TGM5: variants seen among roughly 807,000 people sequenced by gnomAD.
TGM5 encodes the protein protein-glutamine gamma-glutamyltransferase 5.
Under a neutral mutation model 77.2 loss-of-function variants are expected in TGM5, and 69 were observed. The ratio of observed to expected loss-of-function variants is 0.89; its 90% confidence interval spans 0.74 to 1.09. The LOEUF is 1.09. Ranked by LOEUF, TGM5 falls within the 50% of genes least tolerant of loss-of-function variation. TGM5 has a pLI of 0.00. For missense variants in TGM5, 842 were observed against 896.5 expected, an observed-to-expected ratio of 0.94 and a Z score of 0.78; for synonymous variants, 346 against 351.8, an observed-to-expected ratio of 0.98 and a Z score of 0.18.
chr15:43,240,975 C>G lies in TGM5; in HGVS notation c.878G>C (p.Gly293Ala), dbSNP rs1422037303. ...GTTGGTGATCACACGGGTAGGGATC[C>G]CCAGACACCTCATCACTGCAAAAAG... ...AVMCTVMRCL[G>A]IPTRVITNFD... is the part of the protein sequence containing the mutation. The change falls in exon 7 of 13, where the codon GGG (glycine) becomes GCG (alanine). Residue 293 changes from glycine (G) to alanine (A), a missense_variant. This residue lies in a region of TGM5 where 815 missense variants were observed against 844.6 expected (regional missense o/e 0.96). Transcript: ENST00000220420. The G allele has an allele frequency of 1.9e-6, 3 of 1,614,122 alleles. No homozygotes were observed. The highest frequency in any genetic ancestry group is 3.3e-5 in the Admixed American group (2 of 60,014).
intron 5 of TGM5, 31 bp from the exon 6 acceptor site, chr15:43,252,967 A>G (rs1465873119): frequency 2.5e-6 from 4 of 1,608,902 alleles, no homozygotes; most frequent in African/African-American, 1.3e-5. Flanking sequence ...GAAGTGTTAG[A>G]AACATCCATT....
At chr15:43,266,505 G>A (rs943087497) in intron 1 of TGM5, among the ~76,000 whole-genome samples, 1 of 152,098 alleles carries the variant, frequency 6.6e-6, no homozygotes, top group Non-Finnish European at 1.5e-5. Flanking sequence ...AACTAGAGGC[G>A]AAGTGACTTG....
chr15:43,242,143 CAAA>C (rs2042641434), intron 6 of TGM5, among the ~76,000 whole-genome samples: 1 of 152,156 alleles, frequency 6.6e-6, no homozygotes, highest in Admixed American at 6.5e-5. Context: ...ATTTTGAAGA[CAAA>C]GAATCAGAGG....
chr15:43,240,707 G>A, intron 7 of TGM5, 145 bp downstream of exon 7: 2 of 977,102 alleles, frequency 2.0e-6, no homozygotes, highest in Non-Finnish European at 3.1e-6. Context: ...CAGCCTTGGT[G>A]GGGGGTGGGT....
At chr15:43,245,949 A>G (rs966650173) in intron 6 of TGM5, among the ~76,000 whole-genome samples, 1 of 151,886 alleles carries the variant, frequency 6.6e-6, no homozygotes, top group South Asian at 2.1e-4. Flanking sequence ...AATGAGCACT[A>G]CAATCTACTC....
rs753406940 is a variant in TGM5 at position 43,252,953 on chromosome 15, T to C, written c.685-17A>G. The C allele has an allele frequency of 2.5e-6, 4 of 1,611,538 alleles. No homozygotes were observed. Among genetic ancestry groups the C allele is most frequent in the East Asian group, 2.2e-5 (1 of 44,876 alleles). ...GCTGTTGATCTGAAGAGAAGCCATATAGAGAAGTGTTAGAAACATCCATTT... is the reference window on the plus strand; with the variant it reads ...GCTGTTGATCTGAAGAGAAGCCATACAGAGAAGTGTTAGAAACATCCATTT... On this transcript the variant is annotated splice_polypyrimidine_tract_variant and intron_variant, in intron 5 of 12. Coordinates refer to ENST00000220420, the MANE Select transcript of TGM5 (RefSeq NM_201631.4).
At chr15:43,266,520 A>G (rs957914818) in intron 1 of TGM5, among the ~76,000 whole-genome samples, 5 of 151,972 alleles carry the variant, frequency 3.3e-5, no homozygotes, top group African/African-American at 1.2e-4. Flanking sequence ...GACTTGTCCA[A>G]TGTCAAAGGG....
At chr15:43,250,613 G>T (rs2042697386) in intron 6 of TGM5, among the ~76,000 whole-genome samples, 1 of 152,176 alleles carries the variant, frequency 6.6e-6, no homozygotes, top group Non-Finnish European at 1.5e-5. Context: ...ACTGTTTGAG[G>T]TTAAGGAGTT....
chr15:43,241,922 G>T (rs1332916539), intron 6 of TGM5, among the ~76,000 whole-genome samples: 2 of 152,138 alleles, frequency 1.3e-5, no homozygotes, highest in African/African-American at 4.8e-5. Flanking sequence ...TTACAGGCGT[G>T]AGCCACCGCG....
intron 1 of TGM5, among the ~76,000 whole-genome samples, chr15:43,262,043 C>T (rs1017049121): frequency 4.6e-5 from 7 of 152,156 alleles, no homozygotes; most frequent in Non-Finnish European, 1.5e-5. Context: ...GTCCTCTAGC[C>T]AATCTATCCC....
rs751825107 is a variant in TGM5, at chr15:43,260,537, T to G, written c.53A>C (p.Asn18Thr). 3 of 1,613,970 alleles carry G rather than the reference T, an allele frequency of 1.9e-6. No individual in the cohort carries two copies. The highest frequency in any genetic ancestry group is 1.3e-5 in the African/African-American group (1 of 74,904). Residue 18 changes from asparagine to threonine, a missense_variant, in exon 2 of 13, where the codon AAT becomes ACT. This residue lies in a region of TGM5 where 815 missense variants were observed against 844.6 expected (regional missense o/e 0.96). Coordinates refer to ENST00000220420, the MANE Select transcript of TGM5 (RefSeq NM_201631.4). Reference sequence around the variant, plus strand: ...GATCTCCTCCGTGTGGTGCCGCACATTATTTCTGGAGCTCTGGAGGTCTGT... The same window carrying G: ...GATCTCCTCCGTGTGGTGCCGCACAGTATTTCTGGAGCTCTGGAGGTCTGT... The part of the protein sequence containing the change: ...ALTDLQSSRN[N>T]VRHHTEEITV...
intron 6 of TGM5, among the ~76,000 whole-genome samples, chr15:43,246,267 C>G (rs539047581): frequency 5.9e-5 from 9 of 152,230 alleles, no homozygotes; most frequent in African/African-American, 2.2e-4. Flanking sequence ...ACACAGAGGA[C>G]ATTGCAATCA....
chr15:43,241,284 A>C (rs1171670259), intron 6 of TGM5: 1 of 461,812 alleles, frequency 2.2e-6, no homozygotes, highest in East Asian at 4.2e-5. Flanking sequence ...GGGACTGGCA[A>C]GCCTTTCCTT....
chr15:43,238,089 C>T lies in TGM5; in HGVS notation c.1345+728G>A, dbSNP rs76016664. 5.7e-3 allele frequency among the ~76,000 whole-genome samples: 869 copies of T among 152,294 alleles called. 11 individuals are homozygous for T. Among genetic ancestry groups the T allele is most frequent in the African/African-American group, 0.02 (825 of 41,554 alleles). On this transcript the variant is annotated intron_variant, in intron 9 of 12. Coordinates refer to ENST00000220420, the MANE Select transcript of TGM5 (RefSeq NM_201631.4). ...CGTCTGTCCCCGAGGCCCACGTAGA[C>T]GAACCACAGACACCCACTCACCAGC...
At chr15:43,248,896 A>G (rs1053796495) in intron 6 of TGM5, among the ~76,000 whole-genome samples, 1 of 152,218 alleles carries the variant, frequency 6.6e-6, no homozygotes, top group Non-Finnish European at 1.5e-5. Context: ...TATCTAGCTC[A>G]GGGGTTTTCA....
chr15:43,261,072 GTGTGT>G (rs2042783699), intron 1 of TGM5, among the ~76,000 whole-genome samples: 3 of 53,870 alleles, frequency 5.6e-5, no homozygotes, highest in African/African-American at 1.1e-4. Flanking sequence ...TTTTTTGTGT[GTGTGT>G]TTTTTTTTTT....
intron 3 of TGM5, among the ~76,000 whole-genome samples, chr15:43,259,595 G>A (rs932987433): frequency 6.6e-6 from 1 of 152,138 alleles, no homozygotes; most frequent in African/African-American, 2.4e-5. Context: ...AATGTTAAAG[G>A]TGAATGGAAT....
Position 43,252,827 on chromosome 15 carries a change from C to T in TGM5, c.794G>A (p.Trp265Ter). ...WTGSVAILKQ[W>*]NATGCQPVRY... Reference sequence around the variant, plus strand: ...CACGGGCTGGCAGCCTGTGGCGTTCCACTGCTTCAGGATGGCCACGCTGCC... The same window carrying T: ...CACGGGCTGGCAGCCTGTGGCGTTCTACTGCTTCAGGATGGCCACGCTGCC... Residue 265 changes from tryptophan (W) to a stop codon, truncating the protein, a stop_gained, in exon 6 of 13, where the codon TGG (tryptophan) becomes TAG (stop). Transcript: ENST00000220420. LOFTEE classifies it high-confidence loss of function. 6.2e-7 allele frequency: 1 copy of T among 1,614,026 alleles called. No homozygotes were observed. The highest frequency in any genetic ancestry group is 1.1e-5 in the South Asian group (1 of 91,084).
chr15:43,249,377 A>C (rs2042689573), intron 6 of TGM5, among the ~76,000 whole-genome samples: 1 of 152,214 alleles, frequency 6.6e-6, no homozygotes. Context: ...TAACTCCAAA[A>C]CATTTTCACC....
Sources: allele counts gnomAD v4.1 joint callset (sites outside exome capture counted in the v4.1 genomes callset), GRCh38; gene constraint gnomAD v4.1.1; regional missense constraint gnomAD v4.1.1; transcripts MANE v1.5; gene names NCBI Gene and HGNC (gene_info 2026-07-23, HGNC 2026-07-21).